The following TRPM3 variants were observed in gnomAD, a reference collection of about 807,000 sequenced individuals.
TRPM3 encodes long transient receptor potential channel 3.
TRPM3 carries 77 observed loss-of-function variants against 181.2 expected under a neutral mutation model. That is an observed-to-expected ratio of 0.42 (90% CI 0.35 to 0.51). The LOEUF (loss-of-function observed/expected upper bound fraction) is 0.51, where lower values mean the gene tolerates loss of function less well. TRPM3 is among the 20% of genes least tolerant of loss of function. The pLI, the probability that TRPM3 is intolerant of heterozygous loss-of-function variation, is 0.01. For synonymous variants in TRPM3, 745 were observed against 796.4 expected (o/e 0.94, Z 1.09); for missense variants, 1,759 against 2,196.7 (o/e 0.80, Z 3.98).
chr9:70,762,973 T>C (rs75808997), intron 7 of TRPM3, among the ~76,000 whole-genome samples: 4,662 of 152,254 alleles, frequency 0.031, 128 homozygotes, highest in Middle Eastern at 0.075. Flanking sequence ...AAAAACTTTA[T>C]TGCTTAAAAG....
intron 1 of TRPM3, among the ~76,000 whole-genome samples, chr9:70,979,170 C>T (rs1261697975): frequency 6.6e-6 from 1 of 152,168 alleles, no homozygotes; most frequent in Non-Finnish European, 1.5e-5. Context: ...TTTTCCAGCC[C>T]ATACCTTTTG....
chr9:70,913,657 G>C (rs902964702), intron 1 of TRPM3, among the ~76,000 whole-genome samples: 1 of 152,134 alleles, frequency 6.6e-6, no homozygotes, highest in Non-Finnish European at 1.5e-5. Flanking sequence ...GATCATTCAT[G>C]ATGCCCAGTC....
chr9:71,382,204 A>G (rs1418127241), intron 1 of TRPM3, among the ~76,000 whole-genome samples: 2 of 152,158 alleles, frequency 1.3e-5, no homozygotes, highest in Admixed American at 1.3e-4. Context: ...ATTAAATAAA[A>G]ATTTTAATTA....
chr9:71,331,240 G>T (rs945444494), intron 1 of TRPM3, among the ~76,000 whole-genome samples: 1 of 151,786 alleles, frequency 6.6e-6, no homozygotes, highest in African/African-American at 2.4e-5. Context: ...TTACATAACA[G>T]AAACTCATTT....
intron 10 of TRPM3, among the ~76,000 whole-genome samples, chr9:70,640,269 T>C (rs187956719): frequency 1.3e-5 from 2 of 152,224 alleles, no homozygotes; most frequent in African/African-American, 4.8e-5. Flanking sequence ...TTGTCTTATA[T>C]TTTTTCAGAT....
chr9:70,829,285 T>C lies in TRPM3; in HGVS notation c.802-1267A>G, dbSNP rs887914355. On this transcript the variant is annotated intron_variant, in intron 5 of 25. Transcript: ENST00000677713. ...AGTGATTTATAAGAGCAGTCCTCAA[T>C]AGTGAAGAACTCATGTAAGTCATTT... 5.9e-5 allele frequency among the ~76,000 whole-genome samples: 9 copies of C among 152,202 alleles called. No homozygotes were observed. The East Asian group carries it at 1.7e-3, about 29-fold the overall frequency.
rs149967092 is a variant in TRPM3, at chr9:70,895,787, A to G, written c.178-31276T>C. Among the ~76,000 whole-genome samples the G allele has an allele frequency of 1.3e-4, 20 of 152,284 alleles. No individual in the cohort carries two copies. The East Asian group carries it at 3.5e-3, about 26-fold the overall frequency. ...TTATAACTTACAAAAAAAAGAGACCACAGACTCACCCTCAAAACAACCCAG... is the reference window on the plus strand; with the variant it reads ...TTATAACTTACAAAAAAAAGAGACCGCAGACTCACCCTCAAAACAACCCAG... On this transcript the variant is annotated intron_variant, in intron 1 of 25. Transcript: ENST00000677713.
At chr9:70,621,326 T>A in intron 14 of TRPM3, 53 bp from the exon 15 acceptor site, 2 of 1,446,382 alleles carry the variant, frequency 1.4e-6, no homozygotes, top group Non-Finnish European at 1.9e-6. Context: ...CTTTCTTTCA[T>A]AAAGGTAAGA....
rs953249126 is a variant in TRPM3, at chr9:70,562,107, ATAAAT to A, written c.3224-8802_3224-8798del. 3.3e-5 allele frequency among the ~76,000 whole-genome samples: 5 copies of A among 152,232 alleles called. No homozygotes were observed. The East Asian group carries it at 7.7e-4, about 23-fold the overall frequency. ...AACTTGTGACCCTAAATCTTTAAAA[ATAAAT>A]TAAGTTTCTAAAAAATGAGCCAATT... On this transcript the variant is annotated intron_variant, in intron 22 of 25. Coordinates refer to ENST00000677713, the MANE Select transcript of TRPM3 (RefSeq NM_001366145.2).
intron 1 of TRPM3, among the ~76,000 whole-genome samples, chr9:71,192,533 T>C (rs2078096194): frequency 6.6e-6 from 1 of 152,008 alleles, no homozygotes; most frequent in Non-Finnish European, 1.5e-5. Context: ...TGTTTTCACA[T>C]ACTTGTTGGC....
chr9:70,805,067 A>G (rs79157518), intron 6 of TRPM3, among the ~76,000 whole-genome samples: 1,788 of 152,216 alleles, frequency 0.012, 30 homozygotes, highest in African/African-American at 0.04. Flanking sequence ...AAGCTTGGAC[A>G]ATTATTTTAT....
At chr9:70,556,519 C>T (rs752888966) in intron 22 of TRPM3, among the ~76,000 whole-genome samples, 18 of 152,112 alleles carry the variant, frequency 1.2e-4, no homozygotes, top group Non-Finnish European at 2.6e-4. Context: ...GTCAGGAGTT[C>T]GAGACCAGCC....
intron 1 of TRPM3, among the ~76,000 whole-genome samples, chr9:71,187,975 A>G (rs2077786962): frequency 6.6e-6 from 1 of 151,868 alleles, no homozygotes; most frequent in Non-Finnish European, 1.5e-5. Flanking sequence ...TAAAAAAGTT[A>G]ACCAGTATTC....
At chr9:71,090,528 G>A (rs1035751423) in intron 1 of TRPM3, among the ~76,000 whole-genome samples, 3 of 152,068 alleles carry the variant, frequency 2.0e-5, no homozygotes, top group African/African-American at 7.2e-5. Flanking sequence ...CTGTATCAAG[G>A]TGTCCCCTAA....
chr9:71,425,100 C>CTCTGGTT (rs80109340), intron 1 of TRPM3, among the ~76,000 whole-genome samples: 24,099 of 151,834 alleles, frequency 0.16, 2,174 homozygotes, highest in African/African-American at 0.25. Context: ...CTACATATGT[C>CTCTGGTT]TCTGGTTTTT....
intron 7 of TRPM3, among the ~76,000 whole-genome samples, chr9:70,782,955 G>A (rs1034747987): frequency 6.6e-6 from 1 of 152,072 alleles, no homozygotes; most frequent in African/African-American, 2.4e-5. Flanking sequence ...TGAGGAAGGG[G>A]ATAGGGAGAG....
chr9:70,842,958 C>T (rs1222105017), intron 5 of TRPM3, 45 bp downstream of exon 5: 1 of 1,591,942 alleles, frequency 6.3e-7, no homozygotes, highest in African/African-American at 1.4e-5. Flanking sequence ...TTTCTGATAT[C>T]CCCTCTAGGA....
intron 1 of TRPM3, among the ~76,000 whole-genome samples, chr9:71,028,673 A>C (rs1458353503): frequency 6.6e-6 from 1 of 152,160 alleles, no homozygotes; most frequent in Non-Finnish European, 1.5e-5. Flanking sequence ...ACTTCAGACA[A>C]AACAGACTTT....
At chr9:70,666,170 C>G (rs968543327) in intron 9 of TRPM3, among the ~76,000 whole-genome samples, 1 of 152,216 alleles carries the variant, frequency 6.6e-6, no homozygotes, top group African/African-American at 2.4e-5. Flanking sequence ...CTGGCTGTAG[C>G]CAATAGAATG....
Sources: allele counts gnomAD v4.1 joint callset (sites outside exome capture counted in the v4.1 genomes callset), GRCh38; gene constraint gnomAD v4.1.1; transcripts MANE v1.5; gene names NCBI Gene and HGNC (gene_info 2026-07-23, HGNC 2026-07-21).